CFH: variants seen among roughly 807,000 people sequenced by gnomAD.
CFH encodes the protein complement factor H, also known as H factor 1 (complement).
CFH carries 53 observed loss-of-function variants against 147.3 expected under a neutral mutation model. That is an observed-to-expected ratio of 0.36 (90% confidence interval 0.29 to 0.45). The LOEUF (loss-of-function observed/expected upper bound fraction) is 0.45, where lower values mean the gene tolerates loss of function less well. CFH is among the 20% of genes least tolerant of loss of function. The probability of loss-of-function intolerance (pLI) is 1.00; values close to 1 mark genes in which losing one functional copy is unlikely to be tolerated. For missense variants in CFH, 1,380 were observed against 1,498.0 expected (o/e 0.92, Z 1.30); for synonymous variants, 536 against 489.4 (o/e 1.10, Z -1.26).
At chr1:196,707,481 G>T (rs180680123) in intron 9 of CFH, among the ~76,000 whole-genome samples, 1 of 152,278 alleles carries the variant, frequency 6.6e-6, no homozygotes, top group Admixed American at 6.5e-5. Context: ...CCCAGAGACT[G>T]GGTTCTGCTC....
At chr1:196,741,785 A>C in intron 18 of CFH, 90 bp from the exon 19 acceptor site, 1 of 1,186,654 alleles carries the variant, frequency 8.4e-7, no homozygotes. Flanking sequence ...CATTGATTCT[A>C]TATATCGCTA....
At chr1:196,737,332 G>A (rs1221618135) in intron 16 of CFH, 143 bp from the exon 17 acceptor site, 23 of 662,256 alleles carry the variant, frequency 3.5e-5, no homozygotes, top group Middle Eastern at 4.1e-4. Context: ...ATATCTTTGC[G>A]AGTTTCTAAT....
intron 9 of CFH, among the ~76,000 whole-genome samples, chr1:196,706,235 C>T (rs185709706): frequency 6.6e-6 from 1 of 152,226 alleles, no homozygotes; most frequent in East Asian, 1.9e-4. Context: ...TGTCCATGCT[C>T]ATGGGGCCGT....
chr1:196,703,175 C>G (rs76161640), intron 9 of CFH, among the ~76,000 whole-genome samples: 126 of 152,326 alleles, frequency 8.3e-4, no homozygotes, highest in Non-Finnish European at 1.4e-3. Flanking sequence ...ATCTGTGGCT[C>G]TGACCCTAGT....
At chr1:196,667,375 T>G (rs1211790752) in intron 1 of CFH, among the ~76,000 whole-genome samples, 1 of 152,168 alleles carries the variant, frequency 6.6e-6, no homozygotes, top group African/African-American at 2.4e-5. Flanking sequence ...CCAGCAAACA[T>G]TGTTCAGACA....
intron 11 of CFH, among the ~76,000 whole-genome samples, chr1:196,723,285 G>A (rs1164775662): frequency 6.6e-6 from 1 of 151,944 alleles, no homozygotes; most frequent in Non-Finnish European, 1.5e-5. Flanking sequence ...TGTTGTATAG[G>A]GCTATTTGGT....
chr1:196,705,650 T>C (rs1668568845), intron 9 of CFH, among the ~76,000 whole-genome samples: 1 of 152,168 alleles, frequency 6.6e-6, no homozygotes, highest in African/African-American at 2.4e-5. Flanking sequence ...ATGAGGCCTG[T>C]AGCCTACTTT....
intron 11 of CFH, among the ~76,000 whole-genome samples, chr1:196,717,592 T>C (rs1446505655): frequency 6.6e-6 from 1 of 152,092 alleles, no homozygotes; most frequent in Non-Finnish European, 1.5e-5. Context: ...AGACATTCAA[T>C]ACAGACTGTA....
chr1:196,700,530 T>C (rs1045809956), intron 9 of CFH, among the ~76,000 whole-genome samples: 4 of 151,860 alleles, frequency 2.6e-5, no homozygotes, highest in South Asian at 4.1e-4. Flanking sequence ...GGCACATGCC[T>C]GTAATCCCAG....
At chr1:196,680,393 T>C (rs559999579) in intron 6 of CFH, among the ~76,000 whole-genome samples, 1 of 151,820 alleles carries the variant, frequency 6.6e-6, no homozygotes, top group East Asian at 1.9e-4. Flanking sequence ...ACTGTGCTCT[T>C]TGCCCACCAA....
At chr1:196,653,425 A>G (rs929305850) in intron 1 of CFH, among the ~76,000 whole-genome samples, 11 of 151,886 alleles carry the variant, frequency 7.2e-5, no homozygotes, top group African/African-American at 2.7e-4. Context: ...ATTGTAAAAG[A>G]CATCTTTTTC....
chr1:196,740,242 A>G (rs575217641), intron 17 of CFH, among the ~76,000 whole-genome samples: 3 of 152,288 alleles, frequency 2.0e-5, no homozygotes, highest in African/African-American at 7.2e-5. Flanking sequence ...CTATGTTTTA[A>G]AACTTCTTTT....
intron 15 of CFH, 107 bp downstream of exon 15, chr1:196,728,629 CTGAAT>C: frequency 9.3e-7 from 1 of 1,074,100 alleles, no homozygotes; most frequent in South Asian, 1.3e-5. Flanking sequence ...ACAAATGCTA[CTGAAT>C]AAGGCAGGTA....
intron 11 of CFH, 54 bp from the exon 12 acceptor site, chr1:196,725,067 A>G: frequency 6.8e-7 from 1 of 1,473,656 alleles, no homozygotes; most frequent in Non-Finnish European, 9.4e-7. Flanking sequence ...TGTAAAATTA[A>G]CTTTGGCAAT....
chr1:196,684,887 T>C (rs1667772476), intron 6 of CFH, among the ~76,000 whole-genome samples, 177 bp from the exon 7 acceptor site: 2 of 152,066 alleles, frequency 1.3e-5, no homozygotes, highest in African/African-American at 2.4e-5. Context: ...GATGAGAATA[T>C]AGTGAAGGGA....
chr1:196,714,666 TATAGAGAGAG>T (rs1334912459), intron 10 of CFH, among the ~76,000 whole-genome samples: 14 of 28,354 alleles, frequency 4.9e-4, no homozygotes, highest in South Asian at 2.3e-3. Context: ...TATATATATA[TATAGAGAGAG>T]AGAGAGAGAG....
chr1:196,670,718 T>C (rs1207292705), intron 1 of CFH, among the ~76,000 whole-genome samples: 1 of 152,200 alleles, frequency 6.6e-6, no homozygotes, highest in African/African-American at 2.4e-5. Context: ...AATGGACTAA[T>C]ACAATCTGCT....
At chr1:196,666,340 GT>G (rs899163498) in intron 1 of CFH, among the ~76,000 whole-genome samples, 1 of 151,866 alleles carries the variant, frequency 6.6e-6, no homozygotes, top group Non-Finnish European at 1.5e-5. Context: ...ATTTCCAACA[GT>G]TTTTTATTTC....
intron 1 of CFH, among the ~76,000 whole-genome samples, chr1:196,668,575 G>A (rs1667174547): frequency 6.6e-6 from 1 of 152,112 alleles, no homozygotes; most frequent in African/African-American, 2.4e-5. Context: ...ACTGGATCAT[G>A]GGGGTTGTTT....
Sources: allele counts gnomAD v4.1 joint callset (sites outside exome capture counted in the v4.1 genomes callset), GRCh38; gene constraint gnomAD v4.1.1; transcripts MANE v1.5; gene names NCBI Gene and HGNC (gene_info 2026-07-23, HGNC 2026-07-21).